KCNIP4: variants seen among roughly 807,000 people sequenced by gnomAD.
The protein encoded by KCNIP4 is potassium voltage-gated channel interacting protein 4, also known as Kv channel-interacting protein 4.
Under a neutral mutation model 34.0 loss-of-function variants are expected in KCNIP4, and 12 were observed. The ratio of observed to expected loss-of-function variants is 0.35; its 90% CI spans 0.23 to 0.57. The LOEUF is 0.57. Among genes scored for constraint, KCNIP4 ranks in the 20% least tolerant of loss-of-function variants. KCNIP4 has a pLI of 0.83. For synonymous variants in KCNIP4, 124 were observed against 102.2 expected (o/e 1.21, Z -1.29); for missense variants, 238 against 311.7 (o/e 0.76, Z 1.78).
chr4:21,897,041 G>A (rs1369515693), intron 1 of KCNIP4, among the ~76,000 whole-genome samples: 2 of 151,896 alleles, frequency 1.3e-5, no homozygotes, highest in Admixed American at 1.3e-4. Flanking sequence ...ATTGGATGTT[G>A]CCCCTCTCTC....
chr4:21,404,630 C>T (rs1723820827), intron 1 of KCNIP4, among the ~76,000 whole-genome samples: 1 of 152,082 alleles, frequency 6.6e-6, no homozygotes, highest in Non-Finnish European at 1.5e-5. Flanking sequence ...ATTTATTCAA[C>T]ATCTAATATA....
chr4:21,238,266 C>A (rs1759526256), intron 1 of KCNIP4, among the ~76,000 whole-genome samples: 1 of 152,084 alleles, frequency 6.6e-6, no homozygotes, highest in South Asian at 2.1e-4. Flanking sequence ...AACCCACAGC[C>A]AATATCATAC....
At position 21,812,099 on chromosome 4, in the gene KCNIP4, T is replaced by C. The variant is rs187165216; in HGVS notation, c.61+136472A>G. 1.1e-4 allele frequency among the ~76,000 whole-genome samples: 16 copies of C among 152,312 alleles called. No homozygotes were observed. In the East Asian group the frequency reaches 2.7e-3, roughly 26 times the overall value. On this transcript the variant is annotated intron_variant, in intron 1 of 8. Coordinates refer to ENST00000382152, the MANE Select transcript of KCNIP4 (RefSeq NM_025221.6). ...CCCATGTAACAAACAAATTGGTATA[T>C]TCACAATAACTATTTTCCAGAAAAT...
At chr4:21,725,386 C>T (rs1186557667) in intron 1 of KCNIP4, among the ~76,000 whole-genome samples, 1 of 152,068 alleles carries the variant, frequency 6.6e-6, no homozygotes, top group Non-Finnish European at 1.5e-5. Context: ...CCATAAAATA[C>T]TCAATGGAGA....
At chr4:21,691,740 C>T (rs1409623234) in intron 1 of KCNIP4, among the ~76,000 whole-genome samples, 1 of 124,874 alleles carries the variant, frequency 8.0e-6, no homozygotes, top group African/African-American at 3.0e-5. Context: ...CACCCTGTTG[C>T]CCAGGCTGGA....
rs151312199 is a variant in KCNIP4, at chr4:21,608,623, T to C, written c.61+339948A>G. 7.9e-3 allele frequency among the ~76,000 whole-genome samples: 1,200 copies of C among 152,306 alleles called. 14 individuals carry two copies. The highest frequency in any genetic ancestry group is 0.027 in the African/African-American group (1,120 of 41,554). On this transcript the variant is annotated intron_variant, in intron 1 of 8. Coordinates refer to ENST00000382152, the MANE Select transcript of KCNIP4 (RefSeq NM_025221.6). ...TCTCCCCATATCGAGGTCCATAGCCTTTATCACATCTGCCAGGTCTTTTTT... is the reference window on the plus strand; with the variant it reads ...TCTCCCCATATCGAGGTCCATAGCCCTTATCACATCTGCCAGGTCTTTTTT...
At chr4:21,105,933 C>A (rs1748478102) in intron 1 of KCNIP4, among the ~76,000 whole-genome samples, 1 of 151,452 alleles carries the variant, frequency 6.6e-6, no homozygotes, top group South Asian at 2.1e-4. Context: ...GCCTTGCATC[C>A]CAGGGATGAA....
At chr4:20,799,917 G>A (rs1362728695) in intron 3 of KCNIP4, among the ~76,000 whole-genome samples, 1 of 152,164 alleles carries the variant, frequency 6.6e-6, no homozygotes, top group African/African-American at 2.4e-5. Context: ...CAGCCTCCTG[G>A]GTTTAAGCTG....
At chr4:21,568,941 C>T (rs1577611649) in intron 1 of KCNIP4, among the ~76,000 whole-genome samples, 1 of 151,958 alleles carries the variant, frequency 6.6e-6, no homozygotes, top group Non-Finnish European at 1.5e-5. Flanking sequence ...CTGGGTAATG[C>T]TTCTTCTTCA....
rs1716139695 is a variant in KCNIP4 at position 21,738,148 on chromosome 4, G to A, written c.61+210423C>T. ...ATAAATAAATAAATAATAAATAAAA[G>A]GCTTAAAAGTCAAATCTAATGAATT... On this transcript the variant is annotated intron_variant, in intron 1 of 8. Transcript: ENST00000382152. Among the ~76,000 whole-genome samples, 7 of 149,880 alleles carry A rather than the reference G, an allele frequency of 4.7e-5. No homozygotes were observed. The South Asian group carries it at 1.5e-3, about 32-fold the overall frequency.
At chr4:21,033,992 A>C (rs1741233185) in intron 1 of KCNIP4, among the ~76,000 whole-genome samples, 1 of 152,198 alleles carries the variant, frequency 6.6e-6, no homozygotes, top group Admixed American at 6.5e-5. Context: ...TGCAAGTGTT[A>C]TATACACATA....
chr4:21,186,706 G>A (rs949963374), intron 1 of KCNIP4, among the ~76,000 whole-genome samples: 1 of 152,150 alleles, frequency 6.6e-6, no homozygotes, highest in Non-Finnish European at 1.5e-5. Flanking sequence ...GTGCAGTGGT[G>A]CAGTCCCATC....
intron 1 of KCNIP4, among the ~76,000 whole-genome samples, chr4:21,577,156 A>G (rs2109063102): frequency 6.6e-6 from 1 of 152,308 alleles, no homozygotes; most frequent in Middle Eastern, 3.4e-3. Flanking sequence ...TTGGGCTTGA[A>G]TATGCTATCC....
intron 1 of KCNIP4, among the ~76,000 whole-genome samples, chr4:21,050,666 C>G (rs1742848844): frequency 6.6e-6 from 1 of 152,124 alleles, no homozygotes; most frequent in South Asian, 2.1e-4. Flanking sequence ...GTTCAACCAG[C>G]TAAGTAAACA....
chr4:21,490,752 A>G (rs1010896107), intron 1 of KCNIP4, among the ~76,000 whole-genome samples: 1 of 152,208 alleles, frequency 6.6e-6, no homozygotes, highest in Non-Finnish European at 1.5e-5. Context: ...AAGGCTTAGT[A>G]CAGCTTGATG....
At chr4:21,749,887 A>G (rs1262935797) in intron 1 of KCNIP4, among the ~76,000 whole-genome samples, 1 of 152,128 alleles carries the variant, frequency 6.6e-6, no homozygotes, top group African/African-American at 2.4e-5. Flanking sequence ...CCATACTTAG[A>G]GTCTAAGTTA....
At chr4:21,012,406 AC>A (rs1739136191) in intron 1 of KCNIP4, among the ~76,000 whole-genome samples, 1 of 152,044 alleles carries the variant, frequency 6.6e-6, no homozygotes, top group African/African-American at 2.4e-5. Context: ...TAATGAGTCC[AC>A]ATCTTCACAA....
At chr4:21,661,319 C>T (rs115491636) in intron 1 of KCNIP4, among the ~76,000 whole-genome samples, 1,599 of 152,220 alleles carry the variant, frequency 0.011, 27 homozygotes, top group African/African-American at 0.036. Context: ...GCAGTGGGTA[C>T]GGGAACCCAA....
chr4:21,542,544 T>C (rs1737795926), intron 1 of KCNIP4, among the ~76,000 whole-genome samples: 1 of 151,918 alleles, frequency 6.6e-6, no homozygotes, highest in South Asian at 2.1e-4. Flanking sequence ...CCTTTATTGA[T>C]ATTTATAAAG....
Sources: allele counts gnomAD v4.1 joint callset (sites outside exome capture counted in the v4.1 genomes callset), GRCh38; gene constraint gnomAD v4.1.1; transcripts MANE v1.5; gene names NCBI Gene and HGNC (gene_info 2026-07-23, HGNC 2026-07-21).